RUNDC1: variants seen among roughly 807,000 people sequenced by gnomAD.
RUNDC1 encodes RUN domain-containing protein 1.
Under a neutral mutation model 49.3 loss-of-function variants are expected in RUNDC1, and 31 were observed. The ratio of observed to expected loss-of-function variants is 0.63; its 90% CI spans 0.47 to 0.85. The LOEUF is 0.85. RUNDC1 is among the 40% of genes least tolerant of loss of function. The pLI, the probability that RUNDC1 is intolerant of heterozygous loss-of-function variation, is 0.00. For synonymous variants in RUNDC1, 347 were observed against 348.6 expected, an observed-to-expected ratio of 1.00 and a Z score of 0.05; for missense variants, 715 against 806.7, an observed-to-expected ratio of 0.89 and a Z score of 1.38.
chr17:42,986,336 C>T (rs368384895), intron 1 of RUNDC1, among the ~76,000 whole-genome samples: 13 of 152,030 alleles, frequency 8.6e-5, no homozygotes, highest in East Asian at 3.9e-4. Context: ...AGGGTGGTCT[C>T]GAACTCCTGG....
chr17:42,980,954 C>T lies in RUNDC1; in HGVS notation c.378C>T (p.Leu126=), dbSNP rs1045742351. 6.5e-7 allele frequency: 1 copy of T among 1,541,590 alleles called. No homozygotes were observed. The highest frequency in any genetic ancestry group is 8.7e-7 in the Non-Finnish European group (1 of 1,150,170). ...AGCAGCAGCGCCTTCTGCGGGAGCT[C>T]GAAGACTTCGCCTTCCGCGGCTGCC... ...PAEQQRLLRE[L]EDFAFRGCPH... Residue 126 remains leucine, a synonymous_variant, in exon 1 of 5, where the codon CTC becomes CTT. Coordinates refer to ENST00000361677, the MANE Select transcript of RUNDC1 (RefSeq NM_173079.5).
chr17:42,981,124 G>T, intron 1 of RUNDC1, 50 bp downstream of exon 1: 1 of 1,514,330 alleles, frequency 6.6e-7, no homozygotes. Context: ...GTGGGGTCGT[G>T]TGGGTGGCGA....
chr17:42,981,009 G>C lies in RUNDC1; in HGVS notation c.433G>C (p.Asp145His). ...CGTCCTAGGTTACGAAGGGCCCGGC[G>C]ACCCCGCCAGCGATGAGGGCGATGG... Reference protein sequence around the residue: ...PHVLGYEGPGDPASDEGDGLP... With the variant: ...PHVLGYEGPGHPASDEGDGLP... Residue 145 changes from aspartate to histidine, a missense_variant, in exon 1 of 5, where the codon GAC (aspartate) becomes CAC (histidine). Coordinates refer to ENST00000361677, the MANE Select transcript of RUNDC1 (RefSeq NM_173079.5). 6.5e-7 allele frequency: 1 copy of C among 1,546,724 alleles called. No individual in the cohort carries two copies. Among genetic ancestry groups the C allele is most frequent in the South Asian group, 1.2e-5 (1 of 84,910 alleles).
At position 42,991,888 on chromosome 17, in the gene RUNDC1, G is replaced by A. The variant is rs142985946; in HGVS notation, c.*172G>A. 9.0e-5 allele frequency: 61 copies of A among 680,390 alleles called. No individual in the cohort carries two copies. The highest frequency in any genetic ancestry group is 8.8e-4 in the African/African-American group (49 of 55,500). The allele number at this position is 680,390 out of a possible 1,614,324, so 42.1% of individuals were successfully genotyped here. ...TGTTTTCCCCACCAACTTAGCTCTC[G>A]GAAAGATGTGCTGGAGGGACCCTCT... On this transcript the variant is annotated 3_prime_UTR_variant, in exon 5 of 5. Coordinates refer to ENST00000361677, the MANE Select transcript of RUNDC1 (RefSeq NM_173079.5).
chr17:42,984,307 G>A (rs1184689865), intron 1 of RUNDC1, among the ~76,000 whole-genome samples: 1 of 141,864 alleles, frequency 7.0e-6, no homozygotes, highest in Non-Finnish European at 1.5e-5. Context: ...TTGAGACAGA[G>A]TCTGGCCCTG....
intron 2 of RUNDC1, among the ~76,000 whole-genome samples, chr17:42,989,004 A>C (rs796839892): frequency 6.6e-5 from 10 of 152,214 alleles, no homozygotes; most frequent in African/African-American, 2.4e-4. Context: ...TTCTCCTTGA[A>C]GCCTTTAGAG....
rs191564532 is a variant in RUNDC1 at position 42,990,284 on chromosome 17, A to C, written c.857-33A>C. 15 of 1,610,970 alleles carry C rather than the reference A, an allele frequency of 9.3e-6. No homozygotes were observed. The Admixed American group carries it at 2.0e-4, about 22-fold the overall frequency. On this transcript the variant is annotated intron_variant, in intron 3 of 4. Transcript: ENST00000361677. ...TTTAAAGATCTGCCATAAAGGGCTA[A>C]ATAAGTGTCTCTTCTATAATTTCTG...
chr17:42,981,102 A>C (rs1335901853), intron 1 of RUNDC1, 28 bp downstream of exon 1: 1 of 1,544,462 alleles, frequency 6.5e-7, no homozygotes, highest in Non-Finnish European at 8.7e-7. Context: ...GGCCGCGAGG[A>C]ATATGGGAAT....
In RUNDC1 at chr17:42,984,889, CTTTTTTTTTTTTTT is replaced by C. The variant is rs56228523; in HGVS notation, c.499-2357_499-2344del. On this transcript the variant is annotated intron_variant, in intron 1 of 4. Transcript: ENST00000361677. ...CTTTTCTTTTTCTTTTTCTTTCTTT[CTTTTTTTTTTTTTT>C]TTTTTTTTTGGACACAGAGTCTTGC... Among the ~76,000 whole-genome samples, 24 of 65,340 alleles carry C rather than the reference CTTTTTTTTTTTTTT, an allele frequency of 3.7e-4. No individual in the cohort carries two copies. In the Middle Eastern group the frequency reaches 0.028, roughly 76 times the overall value. 42.9% of individuals were successfully genotyped at this position (65,340 alleles called of 152,430 possible).
chr17:42,991,767 G>A lies in RUNDC1; in HGVS notation c.*51G>A, dbSNP rs1567733716. The A allele has an allele frequency of 2.6e-6, 4 of 1,541,880 alleles. No individual in the cohort carries two copies. The highest frequency in any genetic ancestry group is 1.7e-4 in the Middle Eastern group (1 of 5,788). On this transcript the variant is annotated 3_prime_UTR_variant, in exon 5 of 5. Transcript: ENST00000361677. Reference sequence around the variant, plus strand: ...CTCCTTGTTCAGTAGGGATAGATGTGCTAGTCTTCTAGCATAGGAGCAAGG... The same window carrying A: ...CTCCTTGTTCAGTAGGGATAGATGTACTAGTCTTCTAGCATAGGAGCAAGG...
Position 42,990,441 on chromosome 17 carries a change from G to A in RUNDC1, c.976+5G>A, listed in dbSNP as rs2050223381. ...CGCCTCCAGGAAACAGCAAAAGTAA[G>A]TGCAGTTTCCAGAACAGGCAAATCT... On this transcript the variant is annotated splice_donor_5th_base_variant and intron_variant, in intron 4 of 4. Transcript: ENST00000361677. 1 of 1,613,468 alleles carries A rather than the reference G, an allele frequency of 6.2e-7. No homozygotes were observed. Among genetic ancestry groups the A allele is most frequent in the African/African-American group, 1.3e-5 (1 of 74,898 alleles).
In RUNDC1 at chr17:42,990,999, C is replaced by T; in HGVS notation, c.1125C>T (p.Asp375=). The change falls in exon 5 of 5, where the codon GAC becomes GAT. Residue 375 remains aspartate (D), a synonymous_variant. Coordinates refer to ENST00000361677, the MANE Select transcript of RUNDC1 (RefSeq NM_173079.5). ...CCCTGTGGCAGAGGGTCCAGGCTGA[C>T]AGAGACTACTCTCCCTTGCTGAAGA... ...PPTLWQRVQA[D]RDYSPLLKRL... is the part of the protein sequence containing the mutation. 6.2e-7 allele frequency: 1 copy of T among 1,614,188 alleles called. No homozygotes were observed.
rs1436969248 is a variant in RUNDC1, at chr17:42,989,391, C to T, written c.708C>T (p.Asp236=). The part of the protein sequence containing the change: ...IKKLDMNLNE[D]ISSLSTEELR... Reference sequence around the variant, plus strand: ...AACTGGACATGAATCTGAATGAGGACATCAGTTCCCTGTCCACTGAAGAGC... The same window carrying T: ...AACTGGACATGAATCTGAATGAGGATATCAGTTCCCTGTCCACTGAAGAGC... The change falls in exon 3 of 5, where the codon GAC becomes GAT. Residue 236 remains aspartate (D), a synonymous_variant. Coordinates refer to ENST00000361677, the MANE Select transcript of RUNDC1 (RefSeq NM_173079.5). The T allele has an allele frequency of 6.2e-7, 1 of 1,613,988 alleles. No individual in the cohort carries two copies. Among genetic ancestry groups the T allele is most frequent in the Non-Finnish European group, 8.5e-7 (1 of 1,179,966 alleles).
In RUNDC1 at chr17:42,980,733, GCAA is replaced by G. The variant is rs2050065002; in HGVS notation, c.159_161del (p.Thr54del). ...GGCGGTGGCGGAGGCCCGGCCTGGG[GCAA>G]CCGCGTTTTTAGAAGAGGCGACGGC... is the stretch of plus-strand genomic sequence containing the variant. On this transcript the variant is annotated inframe_deletion, in exon 1 of 5. Coordinates refer to ENST00000361677, the MANE Select transcript of RUNDC1 (RefSeq NM_173079.5). 2 of 1,531,038 alleles carry G rather than the reference GCAA, an allele frequency of 1.3e-6. No homozygotes were observed. Among genetic ancestry groups the G allele is most frequent in the African/African-American group, 1.4e-5 (1 of 71,342 alleles). The allele number at this position is 1,531,038 out of a possible 1,614,324, so 94.8% of individuals were successfully genotyped here.
rs749764412 is a variant in RUNDC1, at chr17:42,980,782, C to T, written c.206C>T (p.Pro69Leu). 5.6e-6 allele frequency: 8 copies of T among 1,429,810 alleles called. No individual in the cohort carries two copies. The South Asian group carries it at 1.0e-4, about 18-fold the overall frequency. 88.6% of individuals were successfully genotyped at this position (1,429,810 alleles called of 1,614,324 possible). Residue 69 changes from proline to leucine, a missense_variant, in exon 1 of 5, where the codon CCG (proline) becomes CTG (leucine). By Grantham distance (98) the Pro-to-Leu change is moderately conservative. Coordinates refer to ENST00000361677, the MANE Select transcript of RUNDC1 (RefSeq NM_173079.5). The stretch of plus-strand genomic sequence containing the variant: ...ACGGCCGAGGAGCCTGGCGCGGCCC[C>T]GGGCTCCCCGCCGGATTCGCCGGGC... ...EATAEEPGAA[P>L]GSPPDSPGRT...
Position 42,993,894 on chromosome 17 carries a change from CTG to C in RUNDC1, c.*2180_*2181del, listed in dbSNP as rs1041413511. On this transcript the variant is annotated 3_prime_UTR_variant, in exon 5 of 5. Coordinates refer to ENST00000361677, the MANE Select transcript of RUNDC1 (RefSeq NM_173079.5). ...TTTTTTTTTGAGATGGAGTCTCGCT[CTG>C]TTGTCCAGGCTGGAGTGCAATGGCG... Among the ~76,000 whole-genome samples, 9 of 152,024 alleles carry C rather than the reference CTG, an allele frequency of 5.9e-5. No individual in the cohort carries two copies. The highest frequency in any genetic ancestry group is 1.3e-4 in the Non-Finnish European group (9 of 68,018).
intron 2 of RUNDC1, among the ~76,000 whole-genome samples, chr17:42,988,642 G>A (rs1402220273): frequency 6.6e-6 from 1 of 152,082 alleles, no homozygotes; most frequent in Non-Finnish European, 1.5e-5. Flanking sequence ...TTTTTCTTTA[G>A]TTGCCTACAG....
chr17:42,987,158 C>G, intron 1 of RUNDC1, 98 bp from the exon 2 acceptor site: 1 of 775,392 alleles, frequency 1.3e-6, no homozygotes, highest in Non-Finnish European at 2.1e-6. Context: ...TTGGAAACAT[C>G]TTATATTTTA....
In RUNDC1 at chr17:42,991,842, C is replaced by G. The variant is rs1047878956; in HGVS notation, c.*126C>G. 1 of 1,004,284 alleles carries G rather than the reference C, an allele frequency of 1.0e-6. No homozygotes were observed. Among genetic ancestry groups the G allele is most frequent in the Non-Finnish European group, 1.5e-6 (1 of 689,120 alleles). The allele number at this position is 1,004,284 out of a possible 1,614,324, so 62.2% of individuals were successfully genotyped here. A position where few individuals can be genotyped will look rare whatever the true frequency, so the allele number is the denominator to read the frequency against. ...TTTTCCCAGACCCTGCTCAGGCAGT[C>G]GGCCAAATGAGTGCAAAGTCTGTTT... On this transcript the variant is annotated 3_prime_UTR_variant, in exon 5 of 5. Coordinates refer to ENST00000361677, the MANE Select transcript of RUNDC1 (RefSeq NM_173079.5).
Sources: gnomAD v4.1 joint callset for allele counts (sites outside exome capture counted in the v4.1 genomes callset) on GRCh38, gnomAD v4.1.1 for gene constraint, MANE v1.5 for transcripts, NCBI Gene and HGNC (gene_info 2026-07-23, HGNC 2026-07-21) for gene names.